PPARG: variants seen among roughly 807,000 people sequenced by gnomAD.
PPARG encodes the protein peroxisome proliferator-activated receptor gamma.
PPARG carries 17 observed loss-of-function variants against 39.2 expected under a neutral mutation model. The observed-to-expected ratio is 0.43, with a 90% confidence interval of 0.30 to 0.65. The LOEUF (loss-of-function observed/expected upper bound fraction) is 0.65, where lower values mean the gene tolerates loss of function less well. Ranked by LOEUF, PPARG falls within the 30% of genes least tolerant of loss-of-function variation. PPARG has a pLI of 0.13. For missense variants in PPARG, 406 were observed against 585.9 expected (o/e 0.69, Z 3.17); for synonymous variants, 223 against 215.7 (o/e 1.03, Z -0.30).
chr3:12,386,317 T>TA (rs1453435617), intron 4 of PPARG, among the ~76,000 whole-genome samples: 1 of 151,874 alleles, frequency 6.6e-6, no homozygotes, highest in Non-Finnish European at 1.5e-5. Flanking sequence ...GAACTCGGTG[T>TA]AAAAAAAGTA....
At chr3:12,375,779 A>G (rs1176344442) in intron 2 of PPARG, among the ~76,000 whole-genome samples, 1 of 152,130 alleles carries the variant, frequency 6.6e-6, no homozygotes, top group Non-Finnish European at 1.5e-5. Flanking sequence ...TATCACCAGT[A>G]CACATTCCCC....
intron 2 of PPARG, among the ~76,000 whole-genome samples, chr3:12,321,546 A>T (rs1157990587): frequency 6.6e-6 from 1 of 152,142 alleles, no homozygotes; most frequent in Admixed American, 6.5e-5. Flanking sequence ...TTATTGTTTT[A>T]GTTCAGGTTT....
chr3:12,334,522 C>T (rs749809117), intron 2 of PPARG, among the ~76,000 whole-genome samples: 5 of 152,086 alleles, frequency 3.3e-5, no homozygotes, highest in African/African-American at 4.8e-5. Flanking sequence ...TGGAAGCCAC[C>T]GTGCCTGGCT....
At chr3:12,351,541 A>G in intron 2 of PPARG, 1 of 1,366,898 alleles carries the variant, frequency 7.3e-7, no homozygotes, top group South Asian at 1.2e-5. Context: ...CTTTTGCTAG[A>G]TAGAGACAAA....
chr3:12,353,820 C>G (rs1249915005), intron 2 of PPARG, among the ~76,000 whole-genome samples: 1 of 152,174 alleles, frequency 6.6e-6, no homozygotes, highest in African/African-American at 2.4e-5. Context: ...CATGCTGGCT[C>G]TGAAACCATT....
chr3:12,330,302 TAAAAAAAA>T (rs67976990), intron 2 of PPARG, among the ~76,000 whole-genome samples: 1 of 121,052 alleles, frequency 8.3e-6, no homozygotes, highest in African/African-American at 3.1e-5. Context: ...CACCTTTTTT[TAAAAAAAA>T]AAAAAAAAAA....
In PPARG at chr3:12,368,539, C is replaced by T. The variant is rs1042296593; in HGVS notation, c.-8-11165C>T. On this transcript the variant is annotated intron_variant, in intron 2 of 7. Coordinates refer to ENST00000651735, the MANE Select transcript of PPARG (RefSeq NM_138711.6). The stretch of plus-strand genomic sequence containing the variant: ...ATAAAAGATTCTATATTCAGAGAAA[C>T]CATGACAGAATTTAAACTCTAGCCC... Among the ~76,000 whole-genome samples the T allele has an allele frequency of 2.0e-5, 3 of 152,228 alleles. No individual in the cohort carries two copies. In the South Asian group the frequency reaches 6.2e-4, roughly 32 times the overall value.
chr3:12,325,466 TG>T (rs1317182990), intron 2 of PPARG, among the ~76,000 whole-genome samples: 2 of 151,946 alleles, frequency 1.3e-5, no homozygotes, highest in African/African-American at 4.8e-5. Flanking sequence ...GCCAGTGTCG[TG>T]GTGTGCACCT....
At chr3:12,402,694 A>G (rs2050517828) in intron 5 of PPARG, among the ~76,000 whole-genome samples, 1 of 152,156 alleles carries the variant, frequency 6.6e-6, no homozygotes, top group African/African-American at 2.4e-5. Flanking sequence ...TGGCCCATCA[A>G]AATGTCCCGT....
At chr3:12,372,027 G>C in intron 2 of PPARG, 1 of 717,518 alleles carries the variant, frequency 1.4e-6, no homozygotes, top group Non-Finnish European at 2.6e-6. Flanking sequence ...TGAAACAAAT[G>C]AGAAGGGATT....
chr3:12,391,562 G>A (rs142839147), intron 4 of PPARG, among the ~76,000 whole-genome samples: 9 of 152,296 alleles, frequency 5.9e-5, no homozygotes, highest in East Asian at 1.9e-4. Context: ...GAAGGATGGC[G>A]TTGCGTCTGC....
In PPARG at chr3:12,401,184, G is replaced by A. The variant is rs578170540; in HGVS notation, c.530-4698G>A. Among the ~76,000 whole-genome samples, 8 of 152,244 alleles carry A rather than the reference G, an allele frequency of 5.3e-5. No homozygotes were observed. The South Asian group carries it at 1.2e-3, about 24-fold the overall frequency. ...CAGGAAACACCTCCCAACCTCCTTC[G>A]CTTTCCTCCTCTTGGTTGTCAGATT... On this transcript the variant is annotated intron_variant, in intron 5 of 7. Coordinates refer to ENST00000651735, the MANE Select transcript of PPARG (RefSeq NM_138711.6).
intron 7 of PPARG, among the ~76,000 whole-genome samples, chr3:12,433,552 A>G (rs1259892562): frequency 6.6e-6 from 1 of 150,524 alleles, no homozygotes; most frequent in African/African-American, 2.5e-5. Flanking sequence ...AAAAAAAAAA[A>G]GAAAAGAAAA....
intron 2 of PPARG, chr3:12,372,199 C>A: frequency 1.4e-6 from 1 of 715,800 alleles, no homozygotes; most frequent in East Asian, 2.7e-5. Flanking sequence ...CCCTGCCCCC[C>A]TGCCTGCCTG....
intron 4 of PPARG, among the ~76,000 whole-genome samples, chr3:12,390,211 A>G (rs1392049369): frequency 6.6e-6 from 1 of 152,224 alleles, no homozygotes; most frequent in Non-Finnish European, 1.5e-5. Flanking sequence ...TACAATTTTC[A>G]TAAAGCGCTT....
intron 5 of PPARG, among the ~76,000 whole-genome samples, chr3:12,393,190 ATTTTTTTTTT>A (rs143287325): frequency 1.8e-5 from 2 of 111,542 alleles, no homozygotes; most frequent in African/African-American, 3.5e-5. Flanking sequence ...GATTCATTTA[ATTTTTTTTTT>A]TTTTTTTTTT....
At position 12,371,536 on chromosome 3, in the gene PPARG, G is replaced by A. The variant is rs1042964990; in HGVS notation, c.-8-8168G>A. 4.6e-5 allele frequency among the ~76,000 whole-genome samples: 7 copies of A among 152,258 alleles called. No individual in the cohort carries two copies. The East Asian group carries it at 1.3e-3, about 29-fold the overall frequency. On this transcript the variant is annotated intron_variant, in intron 2 of 7. Coordinates refer to ENST00000651735, the MANE Select transcript of PPARG (RefSeq NM_138711.6). ...TATTCTGTGATAATTTGCCATCCAG[G>A]AAATGGTTCCTTACATGAGACTTTT...
chr3:12,401,326 A>G (rs2050461089), intron 5 of PPARG, among the ~76,000 whole-genome samples: 1 of 152,216 alleles, frequency 6.6e-6, no homozygotes, highest in African/African-American at 2.4e-5. Context: ...ATGGACACAT[A>G]GATTAGGTTT....
intron 2 of PPARG, among the ~76,000 whole-genome samples, chr3:12,321,468 A>G (rs2047543348): frequency 6.6e-6 from 1 of 152,160 alleles, no homozygotes; most frequent in African/African-American, 2.4e-5. Flanking sequence ...GAGACAGAAA[A>G]TCTTTCTGTA....
Sources: allele counts gnomAD v4.1 joint callset (sites outside exome capture counted in the v4.1 genomes callset), GRCh38; gene constraint gnomAD v4.1.1; transcripts MANE v1.5; gene names NCBI Gene and HGNC (gene_info 2026-07-23, HGNC 2026-07-21).